Variants in ZPBP observed in about 807,000 individuals in gnomAD.
ZPBP encodes zona pellucida binding protein.
Under a neutral mutation model 44.8 loss-of-function variants are expected in ZPBP, and 26 were observed. The observed-to-expected ratio is 0.58, with a 90% CI of 0.43 to 0.81. The LOEUF is 0.81. ZPBP is among the 30% of genes least tolerant of loss of function. The pLI, the probability that ZPBP is intolerant of heterozygous loss-of-function variation, is 0.00. For synonymous variants in ZPBP, 174 were observed against 153.2 expected (o/e 1.14, Z -1.00); for missense variants, 409 against 434.0 (o/e 0.94, Z 0.51).
At chr7:50,011,713 A>C (rs1798592535) in intron 6 of ZPBP, among the ~76,000 whole-genome samples, 1 of 152,146 alleles carries the variant, frequency 6.6e-6, no homozygotes, top group Non-Finnish European at 1.5e-5. Context: ...AAATTCCCAA[A>C]ATCTGGAAAT....
chr7:49,933,583 C>T (rs1794522361), downstream of ZPBP, among the ~76,000 whole-genome samples: 1 of 152,120 alleles, frequency 6.6e-6, no homozygotes, highest in African/African-American at 2.4e-5. Flanking sequence ...AATCATGCTG[C>T]TATAAAGACA....
intron 7 of ZPBP, among the ~76,000 whole-genome samples, chr7:49,952,414 A>C (rs148184248): frequency 2.6e-5 from 4 of 152,134 alleles, no homozygotes; most frequent in African/African-American, 9.6e-5. Context: ...CAAACATTCC[A>C]CACAATATAT....
intron 3 of ZPBP, among the ~76,000 whole-genome samples, chr7:50,070,940 T>C (rs1221505580): frequency 6.6e-6 from 1 of 152,152 alleles, no homozygotes; most frequent in Non-Finnish European, 1.5e-5. Flanking sequence ...GAGATAAGGC[T>C]CACTAGCCAC....
chr7:49,861,192 C>G (rs1304146441), intron 2 of ZPBP, among the ~76,000 whole-genome samples: 1 of 152,170 alleles, frequency 6.6e-6, no homozygotes, highest in Non-Finnish European at 1.5e-5. Flanking sequence ...TTCGTTATTG[C>G]TATAACCATC....
intron 2 of ZPBP, among the ~76,000 whole-genome samples, chr7:49,875,379 A>AAAC (rs1791363632): frequency 2.0e-5 from 3 of 148,500 alleles, no homozygotes; most frequent in South Asian, 2.1e-4. Context: ...CAAAAAAAAA[A>AAAC]AAAAAAAAAA....
chr7:49,878,505 T>G (rs919432967), intron 2 of ZPBP, among the ~76,000 whole-genome samples: 1 of 152,214 alleles, frequency 6.6e-6, no homozygotes, highest in Admixed American at 6.5e-5. Flanking sequence ...TTGACTATTT[T>G]CTTTCAAAAC....
At chr7:50,049,707 T>C (rs1259141804) in intron 4 of ZPBP, among the ~76,000 whole-genome samples, 4 of 152,026 alleles carry the variant, frequency 2.6e-5, no homozygotes. Flanking sequence ...GCTAACATTA[T>C]ATATACTCAA....
intron 1 of ZPBP, chr7:49,919,856 G>A (rs1218753985): frequency 6.6e-6 from 1 of 152,248 alleles, no homozygotes; most frequent in Non-Finnish European, 1.5e-5. Flanking sequence ...AGGCATCAGT[G>A]CAATAAAGGA....
intron 2 of ZPBP, among the ~76,000 whole-genome samples, chr7:50,089,015 T>C (rs1802808896): frequency 6.6e-6 from 1 of 152,040 alleles, no homozygotes; most frequent in Non-Finnish European, 1.5e-5. Flanking sequence ...TGACTCCATT[T>C]ATATGAAATT....
intron 6 of ZPBP, among the ~76,000 whole-genome samples, chr7:50,014,926 C>T (rs993014855): frequency 5.9e-5 from 9 of 152,084 alleles, no homozygotes; most frequent in African/African-American, 2.2e-4. Context: ...AAGATGCTAA[C>T]ACAAGATGAA....
intron 6 of ZPBP, among the ~76,000 whole-genome samples, chr7:50,000,487 G>A (rs1798044300): frequency 6.6e-6 from 1 of 152,136 alleles, no homozygotes; most frequent in African/African-American, 2.4e-5. Context: ...TAATATAAGA[G>A]AAGGTCCATA....
At chr7:50,014,152 G>A (rs1165620053) in intron 6 of ZPBP, among the ~76,000 whole-genome samples, 1 of 151,906 alleles carries the variant, frequency 6.6e-6, no homozygotes, top group African/African-American at 2.4e-5. Flanking sequence ...TTCATGTACT[G>A]GAAGATTGAA....
At chr7:49,996,123 C>T (rs890037510) in intron 6 of ZPBP, among the ~76,000 whole-genome samples, 2 of 152,088 alleles carry the variant, frequency 1.3e-5, no homozygotes, top group South Asian at 2.1e-4. Flanking sequence ...ACATGTATCC[C>T]GTCAATATGT....
intron 7 of ZPBP, among the ~76,000 whole-genome samples, chr7:49,954,168 A>T (rs1451059983): frequency 6.6e-6 from 1 of 152,156 alleles, no homozygotes; most frequent in Non-Finnish European, 1.5e-5. Context: ...ATTATTTATA[A>T]GGGTGCCAAG....
At chr7:49,877,593 C>T (rs570175432) in intron 2 of ZPBP, among the ~76,000 whole-genome samples, 1 of 137,340 alleles carries the variant, frequency 7.3e-6, no homozygotes, top group East Asian at 2.2e-4. Context: ...GACTGAAGTC[C>T]AGACTCATGG....
intron 6 of ZPBP, among the ~76,000 whole-genome samples, chr7:49,987,737 TGTGTGTGTG>T: frequency 3.0e-5 from 1 of 33,026 alleles, no homozygotes; most frequent in Admixed American, 4.2e-4. Flanking sequence ...GTTGTGTGTG[TGTGTGTGTG>T]TGTGTGTGTG....
At chr7:49,904,001 C>T (rs1445531591) in intron 1 of ZPBP, among the ~76,000 whole-genome samples, 1 of 152,106 alleles carries the variant, frequency 6.6e-6, no homozygotes, top group African/African-American at 2.4e-5. Context: ...GAAGGCTGGT[C>T]ACCCCACCCT....
At chr7:49,938,393 T>C (rs768946740) in intron 7 of ZPBP, among the ~76,000 whole-genome samples, 2 of 152,208 alleles carry the variant, frequency 1.3e-5, no homozygotes, top group South Asian at 2.1e-4. Flanking sequence ...CATCTACTAC[T>C]GCCTGACAGA....
intron 2 of ZPBP, among the ~76,000 whole-genome samples, chr7:49,855,524 A>G (rs2128718205): frequency 6.6e-6 from 1 of 152,284 alleles, no homozygotes; most frequent in Non-Finnish European, 1.5e-5. Flanking sequence ...GAGGTAAGGA[A>G]GGCTCAGCGA....
Sources: allele counts gnomAD v4.1 joint callset (sites outside exome capture counted in the v4.1 genomes callset), GRCh38; gene constraint gnomAD v4.1.1; transcripts MANE v1.5; gene names NCBI Gene and HGNC (gene_info 2026-07-23, HGNC 2026-07-21).